Variants in RAD51 observed in about 807,000 individuals in gnomAD.
The protein encoded by RAD51 is RAD51 recombinase.
Under a neutral mutation model 41.5 loss-of-function variants are expected in RAD51, and 14 were observed. The ratio of observed to expected loss-of-function variants is 0.34; its 90% CI spans 0.22 to 0.53. The LOEUF (loss-of-function observed/expected upper bound fraction) is 0.53. Ranked by LOEUF, RAD51 falls within the 20% of genes least tolerant of loss-of-function variation. The pLI is 0.95. For missense variants in RAD51, 234 were observed against 422.0 expected (o/e 0.55, Z 3.90); for synonymous variants, 136 against 148.6 (o/e 0.92, Z 0.62).
intron 6 of RAD51, among the ~76,000 whole-genome samples, chr15:40,719,980 G>A (rs1251991153): frequency 6.6e-6 from 1 of 151,900 alleles, no homozygotes; most frequent in African/African-American, 2.4e-5. Context: ...GAATTAAAGG[G>A]GAAAATAGAC....
chr15:40,712,582 G>A (rs1200115795), intron 5 of RAD51, among the ~76,000 whole-genome samples: 3 of 152,216 alleles, frequency 2.0e-5, no homozygotes, highest in Non-Finnish European at 4.4e-5. Flanking sequence ...TGGCTTTAAG[G>A]ATGTGCTGCA....
At chr15:40,719,004 C>T in intron 6 of RAD51, 105 bp downstream of exon 6, 2 of 1,031,322 alleles carry the variant, frequency 1.9e-6, no homozygotes, top group South Asian at 2.6e-5. Context: ...CCCCACGTCC[C>T]AAAGTTGTAT....
chr15:40,730,420 G>A (rs898070211), intron 9 of RAD51, among the ~76,000 whole-genome samples: 4 of 151,652 alleles, frequency 2.6e-5, no homozygotes, highest in African/African-American at 7.3e-5. Context: ...AGGAGGATCA[G>A]TTGAGCATAG....
chr15:40,703,823 G>C (rs1322932213), intron 3 of RAD51, among the ~76,000 whole-genome samples: 1 of 151,796 alleles, frequency 6.6e-6, no homozygotes, highest in Admixed American at 6.6e-5. Flanking sequence ...CTACTTAATA[G>C]TTTCTACCCT....
At chr15:40,720,488 G>A (rs1162016770) in intron 6 of RAD51, among the ~76,000 whole-genome samples, 2 of 152,012 alleles carry the variant, frequency 1.3e-5, no homozygotes, top group African/African-American at 4.8e-5. Flanking sequence ...TATAGACAGT[G>A]TAGTCAGACA....
In RAD51 at chr15:40,709,782, C is replaced by T. The variant is rs188292182; in HGVS notation, c.435+666C>T. On this transcript the variant is annotated intron_variant, in intron 5 of 9. Coordinates refer to ENST00000267868, the MANE Select transcript of RAD51 (RefSeq NM_002875.5). ...GAAGAGATGCCAACCTTAGATGAAACTCATCTATCTTCTCAGTGTCTGTAC... is the reference window on the plus strand; with the variant it reads ...GAAGAGATGCCAACCTTAGATGAAATTCATCTATCTTCTCAGTGTCTGTAC... 1.8e-4 allele frequency among the ~76,000 whole-genome samples: 27 copies of T among 152,306 alleles called. No homozygotes were observed. The East Asian group carries it at 5.0e-3, about 28-fold the overall frequency.
intron 5 of RAD51, among the ~76,000 whole-genome samples, chr15:40,714,292 A>G (rs1034611759): frequency 2.0e-5 from 3 of 152,202 alleles, no homozygotes; most frequent in African/African-American, 7.2e-5. Flanking sequence ...GCTAAAGGGA[A>G]TTAGGGCTGT....
At chr15:40,718,247 G>GT (rs943735940) in intron 5 of RAD51, among the ~76,000 whole-genome samples, 16 of 151,632 alleles carry the variant, frequency 1.1e-4, no homozygotes, top group African/African-American at 3.9e-4. Flanking sequence ...GCCAGGTGCA[G>GT]TGGCTCGTGC....
intron 1 of RAD51, among the ~76,000 whole-genome samples, chr15:40,696,324 C>T (rs1231900825): frequency 6.6e-6 from 1 of 151,884 alleles, no homozygotes; most frequent in African/African-American, 2.4e-5. Context: ...TCTGTAGTCC[C>T]AGCACTTTGG....
intron 4 of RAD51, among the ~76,000 whole-genome samples, chr15:40,708,231 CTTTTT>C (rs1222352292): frequency 8.6e-6 from 1 of 116,202 alleles, no homozygotes; most frequent in Non-Finnish European, 1.8e-5. Context: ...TTGTGCCCAG[CTTTTT>C]TTTTTTTTTT....
At chr15:40,703,785 C>G (rs1895149286) in intron 3 of RAD51, among the ~76,000 whole-genome samples, 1 of 151,986 alleles carries the variant, frequency 6.6e-6, no homozygotes, top group Non-Finnish European at 1.5e-5. Context: ...CTTTTGGTTT[C>G]ATTGATTTTT....
At chr15:40,718,550 C>T (rs981710996) in intron 5 of RAD51, among the ~76,000 whole-genome samples, 12 of 151,758 alleles carry the variant, frequency 7.9e-5, no homozygotes, top group African/African-American at 2.9e-4. Context: ...AATTTTATTA[C>T]CTACTTTGGG....
chr15:40,710,457 G>A (rs1479592120), intron 5 of RAD51, among the ~76,000 whole-genome samples: 6 of 127,260 alleles, frequency 4.7e-5, no homozygotes, highest in Non-Finnish European at 7.7e-5. Context: ...AGCTGAGATC[G>A]CACCATTGCA....
Position 40,728,842 on chromosome 15 carries a change from G to T in RAD51, c.644+18G>T. ...GAATCTAGGTATGTGTTCAGTATAA[G>T]ACACCAAATATGTTCTTAAGAGTCC... On this transcript the variant is annotated intron_variant, in intron 7 of 9. Transcript: ENST00000267868. 1 of 1,580,602 alleles carries T rather than the reference G, an allele frequency of 6.3e-7. No homozygotes were observed. The highest frequency in any genetic ancestry group is 1.1e-5 in the South Asian group (1 of 90,402).
rs749995356 is a variant in RAD51, at chr15:40,713,994, C to CTTTTTTTT, written c.436-4800_436-4793dup. Among the ~76,000 whole-genome samples, 697 of 114,860 alleles carry CTTTTTTTT rather than the reference C, an allele frequency of 6.1e-3. 32 individuals carry two copies. Among genetic ancestry groups the CTTTTTTTT allele is most frequent in the African/African-American group, 0.021 (639 of 30,358 alleles). The allele number at this position is 114,860 out of a possible 152,430, so 75.4% of individuals were successfully genotyped here. A position where few individuals can be genotyped will look rare whatever the true frequency, so the allele number is the denominator to read the frequency against. ...TGTTAACTCTCCTCAGAAATAAATT[C>CTTTTTTTT]TTTTTTTTTTTTTTTTTTGAGATTG... On this transcript the variant is annotated intron_variant, in intron 5 of 9. Coordinates refer to ENST00000267868, the MANE Select transcript of RAD51 (RefSeq NM_002875.5).
At chr15:40,713,839 C>T (rs1213756046) in intron 5 of RAD51, among the ~76,000 whole-genome samples, 1 of 151,898 alleles carries the variant, frequency 6.6e-6, no homozygotes, top group African/African-American at 2.4e-5. Flanking sequence ...ATCTCCTGAC[C>T]TTGTGATCCG....
At chr15:40,701,703 T>C in intron 3 of RAD51, 1 of 219,262 alleles carries the variant, frequency 4.6e-6, no homozygotes, top group Non-Finnish European at 9.3e-6. Context: ...TTTATGAACC[T>C]ATTTCTTCAG....
chr15:40,706,683 C>CA (rs1303304869), intron 4 of RAD51, among the ~76,000 whole-genome samples: 11 of 151,920 alleles, frequency 7.2e-5, no homozygotes, highest in South Asian at 2.1e-4. Context: ...GCCTGGGTGA[C>CA]GAGCAAAACT....
intron 4 of RAD51, among the ~76,000 whole-genome samples, chr15:40,706,932 A>G (rs563141749): frequency 2.0e-5 from 3 of 152,306 alleles, no homozygotes; most frequent in East Asian, 1.9e-4. Flanking sequence ...ATGTTTGAAT[A>G]CTACTCATTG....
Sources: allele counts gnomAD v4.1 joint callset (sites outside exome capture counted in the v4.1 genomes callset), GRCh38; gene constraint gnomAD v4.1.1; transcripts MANE v1.5; gene names NCBI Gene and HGNC (gene_info 2026-07-23, HGNC 2026-07-21).